Variants in RBMS1 observed in about 807,000 individuals in gnomAD.
The protein encoded by RBMS1 is RNA binding motif single stranded interacting protein 1.
Under a neutral mutation model 62.3 loss-of-function variants are expected in RBMS1, and 17 were observed. The observed-to-expected ratio is 0.27, with a 90% confidence interval of 0.19 to 0.41. The LOEUF is 0.41. RBMS1 is among the 10% of genes least tolerant of loss of function. RBMS1 has a pLI of 1.00. For synonymous variants in RBMS1, 172 were observed against 170.0 expected (o/e 1.01, Z -0.09); for missense variants, 334 against 504.5 (o/e 0.66, Z 3.24).
rs114787226 is a variant in RBMS1 at position 160,297,265 on chromosome 2, C to T, written c.640+3386G>A. On this transcript the variant is annotated intron_variant, in intron 6 of 13. Coordinates refer to ENST00000348849, the MANE Select transcript of RBMS1 (RefSeq NM_016836.4). ...TTTCCCCATTTTAACAATTTCATTA[C>T]CTCCCCCTCAAAGCAAGGTGATGTG... 9.4e-3 allele frequency among the ~76,000 whole-genome samples: 1,427 copies of T among 152,160 alleles called. 15 individuals are homozygous for T. The highest frequency in any genetic ancestry group is 0.015 in the Non-Finnish European group (1,020 of 68,000).
chr2:160,382,203 A>T (rs1408382947), intron 1 of RBMS1, among the ~76,000 whole-genome samples: 1 of 152,222 alleles, frequency 6.6e-6, no homozygotes, highest in East Asian at 1.9e-4. Flanking sequence ...AGGTGGGTGA[A>T]GTTGGCAAGG....
chr2:160,404,683 A>G (rs1695604485), intron 1 of RBMS1, among the ~76,000 whole-genome samples: 1 of 152,216 alleles, frequency 6.6e-6, no homozygotes, highest in Admixed American at 6.5e-5. Context: ...AAATGTAGAA[A>G]GCTTTAAGAG....
intron 1 of RBMS1, 155 bp from the exon 2 acceptor site, chr2:160,367,546 T>C (rs1693477154): frequency 3.1e-6 from 4 of 1,309,908 alleles, no homozygotes; most frequent in African/African-American, 3.0e-5. Flanking sequence ...CATGCTACTT[T>C]AAAAAAGCCC....
In RBMS1 at chr2:160,272,529, G is replaced by A. The variant is rs991947557; in HGVS notation, c.*2243C>T. 6.6e-5 allele frequency: 10 copies of A among 150,652 alleles called. No homozygotes were observed. Among genetic ancestry groups the A allele is most frequent in the Non-Finnish European group, 1.5e-4 (10 of 67,864 alleles). 9.3% of individuals were successfully genotyped at this position (150,652 alleles called of 1,614,324 possible). On this transcript the variant is annotated 3_prime_UTR_variant, in exon 14 of 14. Coordinates refer to ENST00000348849, the MANE Select transcript of RBMS1 (RefSeq NM_016836.4). ...TATGTTTCCCAAATCTTACCCAGAC[G>A]AGTATGGCACTTAGTTCAGACATTT...
chr2:160,361,607 T>C (rs1275650307), intron 2 of RBMS1, among the ~76,000 whole-genome samples: 1 of 152,214 alleles, frequency 6.6e-6, no homozygotes, highest in Non-Finnish European at 1.5e-5. Flanking sequence ...ATATTGTAGC[T>C]TATTATGTAA....
intron 2 of RBMS1, among the ~76,000 whole-genome samples, chr2:160,346,504 T>C (rs980256915): frequency 6.6e-6 from 1 of 152,122 alleles, no homozygotes; most frequent in Non-Finnish European, 1.5e-5. Flanking sequence ...TTTAAATCCA[T>C]TTAAAAAGTG....
intron 2 of RBMS1, among the ~76,000 whole-genome samples, chr2:160,336,187 A>G (rs1691558206): frequency 6.6e-6 from 1 of 152,214 alleles, no homozygotes; most frequent in African/African-American, 2.4e-5. Context: ...GTAAGAGCAA[A>G]TTGGTTATAC....
intron 1 of RBMS1, among the ~76,000 whole-genome samples, chr2:160,450,580 CA>C (rs796115120): frequency 5.0e-4 from 61 of 120,830 alleles, no homozygotes; most frequent in African/African-American, 1.8e-3. Context: ...AAAAAAAAAA[CA>C]AAAAACATTA....
At chr2:160,342,364 G>A (rs1479785772) in intron 2 of RBMS1, among the ~76,000 whole-genome samples, 1 of 152,080 alleles carries the variant, frequency 6.6e-6, no homozygotes, top group African/African-American at 2.4e-5. Context: ...TGTTCAAACA[G>A]TCAAGTCTCC....
In RBMS1 at chr2:160,450,565, A is replaced by G. The variant is rs200011128; in HGVS notation, c.75+42724T>C. On this transcript the variant is annotated intron_variant, in intron 1 of 13. Transcript: ENST00000348849. Reference sequence around the variant, plus strand: ...CAAAAAAAATAAAAAATAAAAAATGAAAAAAAAAAAAAAACAAAAAACATT... The same window carrying G: ...CAAAAAAAATAAAAAATAAAAAATGGAAAAAAAAAAAAAACAAAAAACATT... Among the ~76,000 whole-genome samples, 481 of 62,912 alleles carry G rather than the reference A, an allele frequency of 7.6e-3. 13 individuals carry two copies. The highest frequency in any genetic ancestry group is 0.019 in the Admixed American group (82 of 4,240). The allele number at this position is 62,912 out of a possible 152,430, so 41.3% of individuals were successfully genotyped here.
At chr2:160,364,436 C>T (rs1269645787) in intron 2 of RBMS1, among the ~76,000 whole-genome samples, 3 of 152,232 alleles carry the variant, frequency 2.0e-5, no homozygotes, top group Admixed American at 6.5e-5. Flanking sequence ...CCTGACAGCA[C>T]TGTCACCACC....
intron 1 of RBMS1, among the ~76,000 whole-genome samples, chr2:160,459,847 T>C (rs1684390349): frequency 6.6e-6 from 1 of 152,196 alleles, no homozygotes; most frequent in South Asian, 2.1e-4. Flanking sequence ...AGTTCATCAA[T>C]ATTGATTGAA....
Position 160,372,540 on chromosome 2 carries a change from G to C in RBMS1, c.76-5149C>G, listed in dbSNP as rs184267148. The stretch of plus-strand genomic sequence containing the variant: ...TGAAATGAACTGAGTACTATGTGAA[G>C]ACAATGTCTGCTACACTTATTTCCA... On this transcript the variant is annotated intron_variant, in intron 1 of 13. Coordinates refer to ENST00000348849, the MANE Select transcript of RBMS1 (RefSeq NM_016836.4). Among the ~76,000 whole-genome samples, 349 of 152,346 alleles carry C rather than the reference G, an allele frequency of 2.3e-3. 1 individual carries two copies. The highest frequency in any genetic ancestry group is 8.0e-3 in the African/African-American group (333 of 41,576).
chr2:160,386,718 C>G (rs927969582), intron 1 of RBMS1, among the ~76,000 whole-genome samples: 1 of 152,094 alleles, frequency 6.6e-6, no homozygotes, highest in African/African-American at 2.4e-5. Context: ...CTCACCAGAA[C>G]CCGATCATGT....
chr2:160,393,805 A>T (rs1236521282), intron 1 of RBMS1, among the ~76,000 whole-genome samples: 9 of 151,950 alleles, frequency 5.9e-5, no homozygotes, highest in Non-Finnish European at 8.8e-5. Flanking sequence ...GAAAACAAGA[A>T]AAAGAAAAAA....
intron 2 of RBMS1, among the ~76,000 whole-genome samples, chr2:160,359,808 G>A (rs1693024423): frequency 6.6e-6 from 1 of 152,144 alleles, no homozygotes; most frequent in Non-Finnish European, 1.5e-5. Context: ...AGGGTGGAGA[G>A]AAAACATCTT....
intron 1 of RBMS1, among the ~76,000 whole-genome samples, chr2:160,450,780 T>TAA (rs1467828600): frequency 6.6e-6 from 1 of 152,114 alleles, no homozygotes; most frequent in African/African-American, 2.4e-5. Context: ...CCCAAGCCAA[T>TAA]ATTTTGAAAC....
In RBMS1 at chr2:160,285,061, G is replaced by T; in HGVS notation, c.757-17C>A. 1.2e-6 allele frequency: 2 copies of T among 1,606,568 alleles called. No homozygotes were observed. The highest frequency in any genetic ancestry group is 1.7e-6 in the Non-Finnish European group (2 of 1,173,180). On this transcript the variant is annotated splice_polypyrimidine_tract_variant and intron_variant, in intron 7 of 13. Transcript: ENST00000348849. ...CATTCCAGCCTATGGGAAAGAGAAA[G>T]AAATATAAACATTCATCTAGAAAGG...
chr2:160,439,463 C>G (rs552841089), intron 1 of RBMS1, among the ~76,000 whole-genome samples: 20 of 151,508 alleles, frequency 1.3e-4, no homozygotes, highest in Non-Finnish European at 2.8e-4. Context: ...GATGGGCAGC[C>G]GGGCAGAGAC....
Sources: gnomAD v4.1 joint callset for allele counts (sites outside exome capture counted in the v4.1 genomes callset) on GRCh38, gnomAD v4.1.1 for gene constraint, MANE v1.5 for transcripts, NCBI Gene and HGNC (gene_info 2026-07-23, HGNC 2026-07-21) for gene names.